The following RBFOX1 variants were observed in gnomAD, a reference collection of about 807,000 sequenced individuals.
The protein encoded by RBFOX1 is RNA binding protein fox-1 homolog 1.
Under a neutral mutation model 57.7 loss-of-function variants are expected in RBFOX1, and 8 were observed. The observed-to-expected ratio is 0.14, with a 90% CI of 0.08 to 0.25. RBFOX1 has a LOEUF of 0.25. RBFOX1 is among the 10% of genes least tolerant of loss of function. The probability of loss-of-function intolerance (pLI) is 1.00; values close to 1 mark genes in which losing one functional copy is unlikely to be tolerated. For missense variants in RBFOX1, 611 were observed against 548.5 expected, an observed-to-expected ratio of 1.11 and a Z score of -1.14; for synonymous variants, 326 against 222.4, an observed-to-expected ratio of 1.47 and a Z score of -4.15.
intron 2 of RBFOX1, among the ~76,000 whole-genome samples, chr16:6,342,473 G>T (rs182158906): frequency 6.6e-6 from 1 of 152,210 alleles, no homozygotes; most frequent in Admixed American, 6.5e-5. Context: ...GCACATAACA[G>T]AAACAACCTT....
At chr16:7,206,988 C>T (rs910496998) in intron 4 of RBFOX1, among the ~76,000 whole-genome samples, 1 of 152,092 alleles carries the variant, frequency 6.6e-6, no homozygotes, top group Non-Finnish European at 1.5e-5. Context: ...CTTTTGCAGC[C>T]AATTTAGCCC....
chr16:5,870,183 C>A lies in RBFOX1; in HGVS notation c.351+2848C>A, dbSNP rs141763639. On this transcript the variant is annotated intron_variant, in intron 4 of 19. Transcript: ENST00000641259. ...ATATAAAAAATAAACAGACAACATTCATCTCTGATGATAAAAGTAGCAATA... is the reference window on the plus strand; with the variant it reads ...ATATAAAAAATAAACAGACAACATTAATCTCTGATGATAAAAGTAGCAATA... 6.3e-3 allele frequency among the ~76,000 whole-genome samples: 942 copies of A among 149,634 alleles called. 8 individuals are homozygous for A. Among genetic ancestry groups the A allele is most frequent in the African/African-American group, 0.022 (902 of 41,004 alleles).
chr16:6,983,448 C>CT (rs1255901429), intron 3 of RBFOX1, among the ~76,000 whole-genome samples: 6,006 of 131,082 alleles, frequency 0.046, 313 homozygotes, highest in African/African-American at 0.13. Flanking sequence ...GACTTGCTGG[C>CT]TTTTTTTTTT....
intron 2 of RBFOX1, among the ~76,000 whole-genome samples, chr16:6,539,408 C>T (rs1396384438): frequency 6.6e-6 from 1 of 152,128 alleles, no homozygotes; most frequent in East Asian, 1.9e-4. Context: ...TCCACATCAA[C>T]GCTGGCTGTT....
chr16:7,350,024 G>A, intron 4 of RBFOX1, among the ~76,000 whole-genome samples: 1 of 152,166 alleles, frequency 6.6e-6, no homozygotes, highest in Non-Finnish European at 1.5e-5. Flanking sequence ...GCGCATGCCT[G>A]TAGTTTCAGT....
chr16:6,882,114 T>A (rs570544951), intron 3 of RBFOX1, among the ~76,000 whole-genome samples: 1 of 152,282 alleles, frequency 6.6e-6, no homozygotes, highest in African/African-American at 2.4e-5. Flanking sequence ...ATGTAAATTA[T>A]TTAGCAGGAA....
At chr16:7,507,561 CTTTCTTTT>C (rs1186005032) in intron 4 of RBFOX1, among the ~76,000 whole-genome samples, 7 of 122,904 alleles carry the variant, frequency 5.7e-5, no homozygotes, top group African/African-American at 8.7e-5. Context: ...TTTTTTCTTT[CTTTCTTTT>C]TTTTTTTTTT....
At chr16:6,976,439 A>T (rs560249477) in intron 3 of RBFOX1, among the ~76,000 whole-genome samples, 1 of 152,072 alleles carries the variant, frequency 6.6e-6, no homozygotes, top group Non-Finnish European at 1.5e-5. Context: ...ATCTGTGGCT[A>T]TTGGTTTTGT....
At chr16:6,677,495 C>T (rs867464776) in intron 3 of RBFOX1, among the ~76,000 whole-genome samples, 1 of 152,084 alleles carries the variant, frequency 6.6e-6, no homozygotes, top group African/African-American at 2.4e-5. Context: ...TTTAAACATC[C>T]AGCCTAAATT....
At chr16:6,512,718 A>T (rs896714534) in intron 2 of RBFOX1, among the ~76,000 whole-genome samples, 1 of 152,064 alleles carries the variant, frequency 6.6e-6, no homozygotes, top group African/African-American at 2.4e-5. Context: ...TGTTTTGGAG[A>T]CCGTGACGTC....
chr16:6,622,112 A>T (rs1269514943), intron 2 of RBFOX1, among the ~76,000 whole-genome samples: 1 of 152,190 alleles, frequency 6.6e-6, no homozygotes, highest in Non-Finnish European at 1.5e-5. Context: ...GTTTTACTGA[A>T]TTATTGGCAT....
chr16:5,913,221 T>C (rs1049736251), intron 4 of RBFOX1, among the ~76,000 whole-genome samples: 3 of 152,194 alleles, frequency 2.0e-5, no homozygotes, highest in African/African-American at 7.2e-5. Flanking sequence ...CACCATCTTA[T>C]TTATCCCACG....
chr16:6,657,567 G>C (rs994819769), intron 3 of RBFOX1, among the ~76,000 whole-genome samples: 1 of 152,140 alleles, frequency 6.6e-6, no homozygotes, highest in Admixed American at 6.5e-5. Context: ...ACACTGATGG[G>C]TTGTTTAGGA....
In RBFOX1 at chr16:6,888,030, T is replaced by G. The variant is rs903483173; in HGVS notation, c.-15-164027T>G. Among the ~76,000 whole-genome samples the G allele has an allele frequency of 2.2e-4, 33 of 152,072 alleles. 1 individual carries two copies. On this transcript the variant is annotated intron_variant, in intron 3 of 15. Transcript: ENST00000550418. Reference sequence around the variant, plus strand: ...TTTTGTTTGGGTGATTGATTTGAGGTGTTTGCTTGTGTGTCTGATTTGGGG... The same window carrying G: ...TTTTGTTTGGGTGATTGATTTGAGGGGTTTGCTTGTGTGTCTGATTTGGGG...
intron 4 of RBFOX1, among the ~76,000 whole-genome samples, chr16:7,354,107 G>T (rs1379073214): frequency 6.6e-6 from 1 of 152,026 alleles, no homozygotes; most frequent in African/African-American, 2.4e-5. Context: ...GAGTATCTGG[G>T]ATTACAGGAT....
At chr16:5,308,705 A>T (rs1199984500) in intron 1 of RBFOX1, among the ~76,000 whole-genome samples, 1 of 151,452 alleles carries the variant, frequency 6.6e-6, no homozygotes, top group Admixed American at 6.6e-5. Flanking sequence ...TGGAGTTTAT[A>T]GTTGCCTTTA....
At chr16:6,591,504 C>A (rs948963702) in intron 2 of RBFOX1, among the ~76,000 whole-genome samples, 5 of 152,054 alleles carry the variant, frequency 3.3e-5, no homozygotes, top group African/African-American at 1.2e-4. Context: ...TATACAGAGC[C>A]CTTTCTAAAA....
intron 3 of RBFOX1, among the ~76,000 whole-genome samples, chr16:6,760,711 A>G (rs2076477779): frequency 6.6e-6 from 1 of 152,194 alleles, no homozygotes; most frequent in Non-Finnish European, 1.5e-5. Flanking sequence ...AGGTTATAAA[A>G]ATAAGTGTAG....
chr16:7,191,327 C>T (rs1378907672), intron 4 of RBFOX1, among the ~76,000 whole-genome samples: 2 of 126,402 alleles, frequency 1.6e-5, no homozygotes, highest in Non-Finnish European at 3.4e-5. Flanking sequence ...TAATCCGTTG[C>T]TGACAAAAAA....
Sources: gnomAD v4.1 joint callset for allele counts (sites outside exome capture counted in the v4.1 genomes callset) on GRCh38, gnomAD v4.1.1 for gene constraint, MANE v1.5 for transcripts, NCBI Gene and HGNC (gene_info 2026-07-23, HGNC 2026-07-21) for gene names.